The following LRMDA variants were observed in gnomAD, a reference collection of about 807,000 sequenced individuals.
LRMDA encodes the protein leucine-rich melanocyte differentiation-associated protein.
Under a neutral mutation model 29.8 loss-of-function variants are expected in LRMDA, and 18 were observed. The observed-to-expected ratio is 0.60, with a 90% confidence interval of 0.42 to 0.90. The LOEUF (loss-of-function observed/expected upper bound fraction) is 0.90. LRMDA is among the 40% of genes least tolerant of loss of function. The pLI is 0.00. For synonymous variants in LRMDA, 125 were observed against 109.4 expected (o/e 1.14, Z -0.89); for missense variants, 273 against 273.9 (o/e 1.00, Z 0.02).
At chr10:76,064,448 A>G (rs1186956863) in intron 5 of LRMDA, among the ~76,000 whole-genome samples, 1 of 152,196 alleles carries the variant, frequency 6.6e-6, no homozygotes. Context: ...TAGGGTACCC[A>G]CAAGTCTGTG....
chr10:76,459,687 G>A lies in LRMDA; in HGVS notation c.602-97522G>A, dbSNP rs183546504. On this transcript the variant is annotated intron_variant, in intron 6 of 6. Coordinates refer to ENST00000611255, the MANE Select transcript of LRMDA (RefSeq NM_001305581.2). ...ACTATAGGATGAGCATCAGAGATGCGTGTTTATAACTCAGGTGCTTCATGT... is the reference window on the plus strand; with the variant it reads ...ACTATAGGATGAGCATCAGAGATGCATGTTTATAACTCAGGTGCTTCATGT... Among the ~76,000 whole-genome samples, 8 of 152,274 alleles carry A rather than the reference G, an allele frequency of 5.3e-5. No homozygotes were observed. In the East Asian group the frequency reaches 5.8e-4, roughly 11 times the overall value.
chr10:76,417,439 C>T (rs952591216), intron 6 of LRMDA, among the ~76,000 whole-genome samples: 2 of 151,846 alleles, frequency 1.3e-5, no homozygotes, highest in Non-Finnish European at 2.9e-5. Flanking sequence ...TAGTATACAA[C>T]TTTATGAATT....
intron 2 of LRMDA, among the ~76,000 whole-genome samples, chr10:75,483,447 A>G (rs950918497): frequency 6.6e-6 from 1 of 152,218 alleles, no homozygotes; most frequent in Non-Finnish European, 1.5e-5. Flanking sequence ...GGGAAAAGAT[A>G]TCTTGTTATA....
chr10:76,388,018 G>A (rs1841680721), intron 6 of LRMDA, among the ~76,000 whole-genome samples: 1 of 152,164 alleles, frequency 6.6e-6, no homozygotes, highest in Non-Finnish European at 1.5e-5. Flanking sequence ...TAGTTTGAAG[G>A]AATTCATTCA....
intron 5 of LRMDA, among the ~76,000 whole-genome samples, chr10:76,287,548 AT>A (rs1419928635): frequency 1.3e-5 from 2 of 152,082 alleles, no homozygotes; most frequent in African/African-American, 4.8e-5. Context: ...GATATTTAAC[AT>A]AATAACAAAA....
intron 2 of LRMDA, among the ~76,000 whole-genome samples, chr10:75,759,035 C>T (rs2132226117): frequency 6.6e-6 from 1 of 152,058 alleles, no homozygotes; most frequent in African/African-American, 2.4e-5. Context: ...TATATATCCA[C>T]ATCTATCTGT....
intron 2 of LRMDA, among the ~76,000 whole-genome samples, chr10:75,909,848 C>T (rs986456944): frequency 6.6e-6 from 1 of 152,172 alleles, no homozygotes; most frequent in Non-Finnish European, 1.5e-5. Flanking sequence ...CATATCACAT[C>T]ATATTTGTGA....
chr10:75,443,743 T>C (rs901268543), intron 2 of LRMDA, among the ~76,000 whole-genome samples: 2 of 152,220 alleles, frequency 1.3e-5, no homozygotes, highest in African/African-American at 4.8e-5. Flanking sequence ...CAATTTTTTG[T>C]AAGTGTTTGA....
At chr10:76,502,150 G>T (rs1210556917) in intron 6 of LRMDA, among the ~76,000 whole-genome samples, 2 of 151,948 alleles carry the variant, frequency 1.3e-5, no homozygotes, top group Non-Finnish European at 2.9e-5. Context: ...TGTCAGCCAT[G>T]TCAAAAATCA....
chr10:75,724,446 T>C (rs1842606632), intron 2 of LRMDA, among the ~76,000 whole-genome samples: 1 of 152,238 alleles, frequency 6.6e-6, no homozygotes, highest in Admixed American at 6.5e-5. Context: ...TGCATTGCCA[T>C]TTACTCTCTT....
chr10:75,556,619 T>TA, intron 2 of LRMDA, among the ~76,000 whole-genome samples: 1 of 152,280 alleles, frequency 6.6e-6, no homozygotes, highest in African/African-American at 2.4e-5. Flanking sequence ...CTTTGATTTT[T>TA]AAAAAATCTA....
At chr10:76,084,364 A>ATTTTTTTTT (rs71024586) in intron 5 of LRMDA, among the ~76,000 whole-genome samples, 11 of 70,904 alleles carry the variant, frequency 1.6e-4, no homozygotes, top group South Asian at 5.4e-4. Context: ...CGCCCAGCTA[A>ATTTTTTTTT]TTTTTTTTTT....
chr10:75,926,695 G>A (rs1277367094), intron 2 of LRMDA, among the ~76,000 whole-genome samples: 2 of 152,224 alleles, frequency 1.3e-5, no homozygotes, highest in Non-Finnish European at 2.9e-5. Context: ...GATTGCAGTG[G>A]TGTGCTACCA....
chr10:75,454,932 C>T (rs772258692), intron 2 of LRMDA, among the ~76,000 whole-genome samples: 4 of 152,202 alleles, frequency 2.6e-5, no homozygotes, highest in Non-Finnish European at 4.4e-5. Context: ...TGTCGTGAAG[C>T]ACAGAAGAAT....
chr10:75,618,914 C>T (rs1273831367), intron 2 of LRMDA, among the ~76,000 whole-genome samples: 1 of 151,832 alleles, frequency 6.6e-6, no homozygotes, highest in Non-Finnish European at 1.5e-5. Flanking sequence ...TCCCAAGTAG[C>T]TGGGACTACA....
chr10:76,439,898 CT>C (rs1842283282), intron 6 of LRMDA, among the ~76,000 whole-genome samples: 1 of 152,210 alleles, frequency 6.6e-6, no homozygotes, highest in Non-Finnish European at 1.5e-5. Flanking sequence ...CAGGAAGGTT[CT>C]TTACGGCAGA....
chr10:75,623,999 G>A (rs1009107363), intron 2 of LRMDA, among the ~76,000 whole-genome samples: 3 of 152,110 alleles, frequency 2.0e-5, no homozygotes, highest in African/African-American at 7.2e-5. Context: ...TTGAGAGGGG[G>A]AATTGATCGG....
chr10:75,576,396 C>G (rs1039473849), intron 2 of LRMDA, among the ~76,000 whole-genome samples: 1 of 152,232 alleles, frequency 6.6e-6, no homozygotes, highest in Non-Finnish European at 1.5e-5. Context: ...AAAACCCCCA[C>G]CTCCCTGCAA....
intron 5 of LRMDA, among the ~76,000 whole-genome samples, chr10:76,302,895 C>T (rs369285192): frequency 3.9e-4 from 60 of 152,278 alleles, no homozygotes; most frequent in African/African-American, 1.0e-3. Flanking sequence ...GAAAACACAA[C>T]GCAACAAAAC....
Sources: gnomAD v4.1 joint callset for allele counts (sites outside exome capture counted in the v4.1 genomes callset) on GRCh38, gnomAD v4.1.1 for gene constraint, MANE v1.5 for transcripts, NCBI Gene and HGNC (gene_info 2026-07-23, HGNC 2026-07-21) for gene names.